Variants in UNC5D observed in about 807,000 individuals in gnomAD.
UNC5D encodes unc-5 netrin receptor D, also known as netrin receptor UNC5D.
A neutral mutation model predicts 105.4 loss-of-function variants in UNC5D; 39 were observed. That is an observed-to-expected ratio of 0.37 (90% CI 0.29 to 0.48). The LOEUF (loss-of-function observed/expected upper bound fraction) is 0.48. Ranked by LOEUF, UNC5D falls within the 20% of genes least tolerant of loss-of-function variation. The pLI is 0.98. For synonymous variants in UNC5D, 452 were observed against 450.4 expected (o/e 1.00, Z -0.04); for missense variants, 991 against 1,202.4 (o/e 0.82, Z 2.60).
At chr8:35,605,150 C>T (rs1239568968) in intron 4 of UNC5D, among the ~76,000 whole-genome samples, 1 of 152,110 alleles carries the variant, frequency 6.6e-6, no homozygotes. Context: ...TTTTTCTGTT[C>T]TGTTTTTTCC....
chr8:35,246,440 G>A (rs2128805714), intron 1 of UNC5D, among the ~76,000 whole-genome samples: 1 of 152,120 alleles, frequency 6.6e-6, no homozygotes, highest in African/African-American at 2.4e-5. Context: ...TTAAATCAGT[G>A]GCTGTAGGTT....
intron 1 of UNC5D, among the ~76,000 whole-genome samples, chr8:35,274,833 A>C (rs1226211900): frequency 6.6e-6 from 1 of 152,188 alleles, no homozygotes; most frequent in South Asian, 2.1e-4. Context: ...AATTCTAAAA[A>C]ATATATTTTT....
At chr8:35,492,779 G>T (rs1473731088) in intron 1 of UNC5D, among the ~76,000 whole-genome samples, 1 of 152,072 alleles carries the variant, frequency 6.6e-6, no homozygotes, top group Non-Finnish European at 1.5e-5. Flanking sequence ...GAAGATACTA[G>T]TCTGTAAATT....
intron 3 of UNC5D, among the ~76,000 whole-genome samples, chr8:35,580,530 C>T (rs1337661894): frequency 6.6e-6 from 1 of 151,196 alleles, no homozygotes; most frequent in Non-Finnish European, 1.5e-5. Context: ...GGAGAAGAAT[C>T]CCATGAATAA....
intron 14 of UNC5D, among the ~76,000 whole-genome samples, chr8:35,765,927 A>G (rs531152203): frequency 6.6e-6 from 1 of 152,306 alleles, no homozygotes; most frequent in African/African-American, 2.4e-5. Flanking sequence ...GGATTACCAG[A>G]GGCATATGTG....
chr8:35,350,015 C>T (rs897778078), intron 1 of UNC5D, among the ~76,000 whole-genome samples: 16 of 151,754 alleles, frequency 1.1e-4, no homozygotes, highest in African/African-American at 3.9e-4. Flanking sequence ...GAAAACAGCA[C>T]ATAATATTCT....
At chr8:35,684,119 T>C (rs753973295) in intron 5 of UNC5D, among the ~76,000 whole-genome samples, 1 of 152,190 alleles carries the variant, frequency 6.6e-6, no homozygotes, top group African/African-American at 2.4e-5. Flanking sequence ...TCCCCTGGTA[T>C]GTGAAATCCT....
chr8:35,578,805 C>T (rs1266678284), intron 3 of UNC5D, among the ~76,000 whole-genome samples: 2 of 152,158 alleles, frequency 1.3e-5, no homozygotes, highest in Non-Finnish European at 2.9e-5. Flanking sequence ...CAGTGAAGAA[C>T]ACCAAGACGG....
intron 4 of UNC5D, among the ~76,000 whole-genome samples, chr8:35,621,627 G>A (rs998224115): frequency 6.6e-6 from 1 of 152,078 alleles, no homozygotes; most frequent in African/African-American, 2.4e-5. Flanking sequence ...TCTGCCATTG[G>A]CTTCTCATTA....
intron 1 of UNC5D, among the ~76,000 whole-genome samples, chr8:35,352,130 A>T (rs1812281346): frequency 6.6e-6 from 1 of 151,736 alleles, no homozygotes; most frequent in Non-Finnish European, 1.5e-5. Context: ...ATTAAGAGAT[A>T]AGAAAAATAT....
chr8:35,753,195 T>TTTTA (rs1193814811), intron 13 of UNC5D, among the ~76,000 whole-genome samples: 2 of 152,200 alleles, frequency 1.3e-5, no homozygotes, highest in African/African-American at 4.8e-5. Context: ...AATAGAATCT[T>TTTTA]TTTAGACAGT....
chr8:35,570,106 C>T lies in UNC5D; in HGVS notation c.466+1865C>T, dbSNP rs561046749. ...TTACAAAATGTTGCAAAGACTGGCT[C>T]AAATACACCTTTGTTAGTTTCCCGT... On this transcript the variant is annotated intron_variant, in intron 3 of 16. Transcript: ENST00000404895. 5.9e-5 allele frequency among the ~76,000 whole-genome samples: 9 copies of T among 152,328 alleles called. No homozygotes were observed. The South Asian group carries it at 1.7e-3, about 28-fold the overall frequency.
chr8:35,723,126 C>T (rs1828671239), intron 9 of UNC5D, among the ~76,000 whole-genome samples: 1 of 152,170 alleles, frequency 6.6e-6, no homozygotes, highest in Non-Finnish European at 1.5e-5. Context: ...ATGAAGTTTT[C>T]TACCTTGACC....
intron 4 of UNC5D, among the ~76,000 whole-genome samples, chr8:35,633,455 A>T (rs4739418): frequency 0.9 from 136,577 of 152,022 alleles, 61,389 homozygotes; most frequent in East Asian, 0.96. Context: ...TTAAAAAAAA[A>T]TCCTTTTTTG....
At chr8:35,445,006 G>A (rs1284408331) in intron 1 of UNC5D, among the ~76,000 whole-genome samples, 1 of 151,956 alleles carries the variant, frequency 6.6e-6, no homozygotes, top group Non-Finnish European at 1.5e-5. Flanking sequence ...CCTAGCTGTG[G>A]ATCATGATGT....
chr8:35,670,997 TA>T (rs2131275511), intron 4 of UNC5D, among the ~76,000 whole-genome samples: 1 of 128,064 alleles, frequency 7.8e-6, no homozygotes, highest in East Asian at 2.5e-4. Context: ...AGAAATAACC[TA>T]GAATATTATC....
chr8:35,768,035 T>G (rs1483324246), intron 15 of UNC5D, among the ~76,000 whole-genome samples: 2 of 150,312 alleles, frequency 1.3e-5, no homozygotes, highest in Non-Finnish European at 3.0e-5. Context: ...TATTAATATA[T>G]AAATATATAT....
intron 1 of UNC5D, among the ~76,000 whole-genome samples, chr8:35,443,456 G>T (rs895120728): frequency 2.6e-5 from 4 of 151,828 alleles, no homozygotes; most frequent in African/African-American, 9.7e-5. Context: ...AAAGCACAGA[G>T]CTGGACCTTG....
At chr8:35,283,665 A>G (rs1236710169) in intron 1 of UNC5D, among the ~76,000 whole-genome samples, 1 of 152,080 alleles carries the variant, frequency 6.6e-6, no homozygotes, top group Non-Finnish European at 1.5e-5. Context: ...TTAGCTGGGC[A>G]TGGTGGCACA....
Sources: allele counts gnomAD v4.1 joint callset (sites outside exome capture counted in the v4.1 genomes callset), GRCh38; gene constraint gnomAD v4.1.1; transcripts MANE v1.5; gene names NCBI Gene and HGNC (gene_info 2026-07-23, HGNC 2026-07-21).